RBMS3: variants seen among roughly 807,000 people sequenced by gnomAD.
RBMS3 encodes the protein RNA binding motif single stranded interacting protein 3.
A neutral mutation model predicts 66.8 loss-of-function variants in RBMS3; 27 were observed. The observed-to-expected ratio is 0.40, with a 90% CI of 0.30 to 0.56. RBMS3 has a LOEUF of 0.56. RBMS3 is among the 20% of genes least tolerant of loss of function. The pLI is 0.40. For synonymous variants in RBMS3, 188 were observed against 183.0 expected, an observed-to-expected ratio of 1.03 and a Z score of -0.22; for missense variants, 513 against 549.5, an observed-to-expected ratio of 0.93 and a Z score of 0.66.
At position 29,434,765 on chromosome 3, in the gene RBMS3, A is replaced by C. The variant is rs750008488; in HGVS notation, c.98A>C (p.His33Pro). The C allele has an allele frequency of 1.1e-5, 18 of 1,613,574 alleles. No homozygotes were observed. Among genetic ancestry groups the C allele is most frequent in the Non-Finnish European group, 1.5e-5 (18 of 1,179,854 alleles). Reference sequence around the variant, plus strand: ...CAGCAGTCCTATGCACCAGCTCCCCACCCCATGGCTCCTCCCAGCCCCAGC... The same window carrying C: ...CAGCAGTCCTATGCACCAGCTCCCCCCCCCATGGCTCCTCCCAGCCCCAGC... ...QTKQSYAPAP[H>P]PMAPPSPSTN... Residue 33 changes from histidine to proline, a missense_variant, in exon 2 of 15, where the codon CAC becomes CCC. Transcript: ENST00000383767.
chr3:29,876,278 C>A (rs764727155), intron 7 of RBMS3, among the ~76,000 whole-genome samples: 1 of 152,080 alleles, frequency 6.6e-6, no homozygotes, highest in Admixed American at 6.5e-5. Flanking sequence ...AGCTTGCTTC[C>A]CTCTATCTCT....
At chr3:29,994,081 G>C (rs962001806) in intron 14 of RBMS3, among the ~76,000 whole-genome samples, 1 of 152,172 alleles carries the variant, frequency 6.6e-6, no homozygotes, top group African/African-American at 2.4e-5. Flanking sequence ...TGCACCGTGC[G>C]CAAGCCGAAG....
At chr3:29,672,967 C>T (rs763495498) in intron 4 of RBMS3, among the ~76,000 whole-genome samples, 2 of 152,214 alleles carry the variant, frequency 1.3e-5, no homozygotes, top group Non-Finnish European at 2.9e-5. Flanking sequence ...CCCAAATCAA[C>T]AGAATATACA....
At chr3:29,930,423 A>G (rs2149678568) in intron 10 of RBMS3, among the ~76,000 whole-genome samples, 1 of 151,478 alleles carries the variant, frequency 6.6e-6, no homozygotes, top group South Asian at 2.1e-4. Context: ...ACTTTGTGTC[A>G]TTTTTCTAGT....
intron 3 of RBMS3, among the ~76,000 whole-genome samples, chr3:29,513,612 C>T (rs1482537527): frequency 6.6e-6 from 1 of 151,968 alleles, no homozygotes; most frequent in Non-Finnish European, 1.5e-5. Context: ...CATTAATTAC[C>T]CTGCCAGGAT....
At chr3:29,935,950 A>G (rs1201723561) in intron 10 of RBMS3, 136 bp from the exon 11 acceptor site, 1 of 665,754 alleles carries the variant, frequency 1.5e-6, no homozygotes, top group African/African-American at 1.8e-5. Flanking sequence ...AAAATTATAT[A>G]CAGTTGAATT....
At chr3:29,628,286 T>C (rs534319434) in intron 4 of RBMS3, among the ~76,000 whole-genome samples, 2 of 152,258 alleles carry the variant, frequency 1.3e-5, no homozygotes, top group East Asian at 1.9e-4. Context: ...GAAGTCCACA[T>C]TGACTGTCAA....
At chr3:29,617,325 T>A (rs1173269646) in intron 4 of RBMS3, among the ~76,000 whole-genome samples, 5 of 152,196 alleles carry the variant, frequency 3.3e-5, no homozygotes, top group Admixed American at 2.0e-4. Flanking sequence ...TTAAATTAAA[T>A]CATTTGTGTT....
At chr3:29,431,296 C>CTTTTCTT (rs2041183474) in intron 1 of RBMS3, among the ~76,000 whole-genome samples, 3 of 94,770 alleles carry the variant, frequency 3.2e-5, no homozygotes, top group African/African-American at 1.6e-4. Context: ...TTTCTTTTTC[C>CTTTTCTT]TTTTCTTTTT....
intron 1 of RBMS3, among the ~76,000 whole-genome samples, chr3:29,395,170 G>C (rs2039489276): frequency 6.6e-6 from 1 of 152,154 alleles, no homozygotes; most frequent in Non-Finnish European, 1.5e-5. Flanking sequence ...TCAGGAGCCA[G>C]TTATCAAAGT....
chr3:29,543,687 G>C (rs1024468611), intron 3 of RBMS3, among the ~76,000 whole-genome samples: 3 of 152,164 alleles, frequency 2.0e-5, no homozygotes, highest in Admixed American at 2.0e-4. Context: ...TCCAGCCTGG[G>C]TGACAGAGAG....
intron 6 of RBMS3, among the ~76,000 whole-genome samples, chr3:29,830,556 G>A (rs528986627): frequency 1.1e-4 from 17 of 152,090 alleles, no homozygotes; most frequent in Non-Finnish European, 2.1e-4. Flanking sequence ...ACATAGAATG[G>A]GTGTGTATGT....
intron 6 of RBMS3, among the ~76,000 whole-genome samples, chr3:29,862,541 C>T (rs1471662460): frequency 1.3e-5 from 2 of 152,026 alleles, no homozygotes; most frequent in Non-Finnish European, 2.9e-5. Flanking sequence ...TGGCCAAATA[C>T]ACACTAGATA....
At chr3:29,504,963 T>C (rs1559418654) in intron 3 of RBMS3, among the ~76,000 whole-genome samples, 1 of 152,088 alleles carries the variant, frequency 6.6e-6, no homozygotes, top group African/African-American at 2.4e-5. Flanking sequence ...TGTTAACCCC[T>C]TATTAGATCT....
At chr3:29,953,528 C>T (rs886209151) in intron 12 of RBMS3, among the ~76,000 whole-genome samples, 4 of 151,770 alleles carry the variant, frequency 2.6e-5, no homozygotes, top group African/African-American at 7.3e-5. Flanking sequence ...TATTGCCTAA[C>T]AAAAATATAG....
At chr3:29,472,215 A>G (rs1486886970) in intron 2 of RBMS3, among the ~76,000 whole-genome samples, 3 of 149,194 alleles carry the variant, frequency 2.0e-5, no homozygotes, top group Admixed American at 2.0e-4. Context: ...TTTTTTTTGA[A>G]ATGGGGTCTC....
Position 29,730,767 on chromosome 3 carries a change from C to T in RBMS3, c.400-8953C>T, listed in dbSNP as rs989466114. 120 of 700,608 alleles carry T rather than the reference C, an allele frequency of 1.7e-4. No individual in the cohort carries two copies. In the African/African-American group the frequency reaches 2.1e-3, roughly 12 times the overall value. 43.4% of individuals were successfully genotyped at this position (700,608 alleles called of 1,614,324 possible). On this transcript the variant is annotated intron_variant, in intron 4 of 14. Coordinates refer to ENST00000383767, the MANE Select transcript of RBMS3 (RefSeq NM_001003793.3). ...TCTCTATAGTTTTGTTTCCTGTTCT[C>T]ATTTTTGACCATCAGGACCACGAGT...
At chr3:29,626,043 T>A (rs1443016107) in intron 4 of RBMS3, among the ~76,000 whole-genome samples, 2 of 152,080 alleles carry the variant, frequency 1.3e-5, no homozygotes, top group Non-Finnish European at 2.9e-5. Context: ...AATATAACAG[T>A]GTGTATGTGA....
Position 30,008,718 on chromosome 3 carries a change from C to T in RBMS3, c.*4856C>T, listed in dbSNP as rs1699874472. 1 of 152,050 alleles carries T rather than the reference C, an allele frequency of 6.6e-6. No homozygotes were observed. Among genetic ancestry groups the T allele is most frequent in the South Asian group, 2.1e-4 (1 of 4,830 alleles). 9.4% of individuals were successfully genotyped at this position (152,050 alleles called of 1,614,324 possible). ...AATCAATTTGTTTTACAAATGACAT[C>T]CACTGTGGCATTGGAAGACAGTTGG... On this transcript the variant is annotated 3_prime_UTR_variant, in exon 15 of 15. Coordinates refer to ENST00000383767, the MANE Select transcript of RBMS3 (RefSeq NM_001003793.3).
Sources: allele counts gnomAD v4.1 joint callset (sites outside exome capture counted in the v4.1 genomes callset), GRCh38; gene constraint gnomAD v4.1.1; transcripts MANE v1.5; gene names NCBI Gene and HGNC (gene_info 2026-07-23, HGNC 2026-07-21).